Variants in PTPN3 observed in about 807,000 individuals in gnomAD.
PTPN3 encodes tyrosine-protein phosphatase non-receptor type 3.
A neutral mutation model predicts 132.7 loss-of-function variants in PTPN3; 96 were observed. The ratio of observed to expected loss-of-function variants is 0.72; its 90% confidence interval spans 0.61 to 0.86. PTPN3 has a LOEUF of 0.86. PTPN3 is among the 40% of genes least tolerant of loss of function. The pLI is 0.00. For missense variants in PTPN3, 1,125 were observed against 1,159.6 expected (o/e 0.97, Z 0.43); for synonymous variants, 398 against 429.0 (o/e 0.93, Z 0.89).
the PTPN3 span, among the ~76,000 whole-genome samples, chr9:109,529,532 C>T: frequency 6.6e-6 from 1 of 152,236 alleles, no homozygotes; most frequent in Non-Finnish European, 1.5e-5. Flanking sequence ...ATTCCTGTTT[C>T]TCCTTCAGTC....
At chr9:109,482,951 G>A (rs1395042403) in intron 1 of PTPN3, among the ~76,000 whole-genome samples, 1 of 152,208 alleles carries the variant, frequency 6.6e-6, no homozygotes, top group South Asian at 2.1e-4. Context: ...CCCGGTGTTG[G>A]AGCCCTATCT....
At chr9:109,464,831 C>G (rs1200979009) in intron 1 of PTPN3, among the ~76,000 whole-genome samples, 1 of 152,198 alleles carries the variant, frequency 6.6e-6, no homozygotes, top group African/African-American at 2.4e-5. Context: ...AACAGATTAT[C>G]TGCTGCATGA....
chr9:109,407,225 A>T, intron 17 of PTPN3, among the ~76,000 whole-genome samples: 1 of 152,182 alleles, frequency 6.6e-6, no homozygotes, highest in East Asian at 1.9e-4. Flanking sequence ...GCAGATGATT[A>T]AAAGGTAACT....
At chr9:109,502,985 A>C (rs1429919226), upstream of PTPN3, among the ~76,000 whole-genome samples, 4 of 152,234 alleles carry the variant, frequency 2.6e-5, no homozygotes, top group Non-Finnish European at 5.9e-5. Context: ...TTTACAAATT[A>C]GGAGAATTTC....
intron 19 of PTPN3, among the ~76,000 whole-genome samples, chr9:109,401,157 C>T (rs748666040): frequency 2.0e-5 from 3 of 152,222 alleles, no homozygotes; most frequent in African/African-American, 7.2e-5. Context: ...CATGCTAAAA[C>T]GCAACCCTAA....
intron 10 of PTPN3, among the ~76,000 whole-genome samples, chr9:109,430,330 CT>C (rs1194457924): frequency 6.6e-6 from 1 of 152,186 alleles, no homozygotes; most frequent in Non-Finnish European, 1.5e-5. Context: ...CCCCCCACCC[CT>C]GGCTTCATAT....
At chr9:109,403,370 T>A (rs1385283700) in intron 19 of PTPN3, among the ~76,000 whole-genome samples, 1 of 152,248 alleles carries the variant, frequency 6.6e-6, no homozygotes, top group East Asian at 1.9e-4. Flanking sequence ...TTCTAATAAA[T>A]AATGCATTGT....
At chr9:109,432,021 ATATT>A (rs1843696007) in intron 10 of PTPN3, among the ~76,000 whole-genome samples, 1 of 149,046 alleles carries the variant, frequency 6.7e-6, no homozygotes, top group South Asian at 2.1e-4. Context: ...ATATAATTAT[ATATT>A]TATGTGTAAT....
At chr9:109,383,121 T>G (rs899844256) in intron 23 of PTPN3, among the ~76,000 whole-genome samples, 4 of 152,232 alleles carry the variant, frequency 2.6e-5, no homozygotes, top group African/African-American at 4.8e-5. Flanking sequence ...CCCAGTGTTG[T>G]AGCAGGGGTC....
intron 21 of PTPN3, 144 bp downstream of exon 21, chr9:109,390,994 C>T: frequency 1.4e-6 from 1 of 711,040 alleles, no homozygotes; most frequent in Non-Finnish European, 2.4e-6. Flanking sequence ...ACTATTCTGC[C>T]TGCCCTCCCA....
At chr9:109,466,517 G>C (rs772731872) in intron 1 of PTPN3, among the ~76,000 whole-genome samples, 3 of 152,170 alleles carry the variant, frequency 2.0e-5, no homozygotes, top group Non-Finnish European at 2.9e-5. Flanking sequence ...AATGCAGAGG[G>C]GAGGGGAGAC....
rs1838602739 is a variant in PTPN3 at position 109,376,942 on chromosome 9, A to C, written c.*2614T>G. 2.0e-5 allele frequency: 3 copies of C among 152,332 alleles called. No individual in the cohort carries two copies. The South Asian group carries it at 6.2e-4, about 32-fold the overall frequency. 9.4% of individuals were successfully genotyped at this position (152,332 alleles called of 1,614,324 possible). On this transcript the variant is annotated 3_prime_UTR_variant, in exon 26 of 26. Transcript: ENST00000374541. ...TGCCCAGTGGCAGAAGACTGCTTGC[A>C]ACCTTTGGTAGGCTTTTTAGAAATT...
At chr9:109,388,915 A>G (rs528509324) in intron 22 of PTPN3, among the ~76,000 whole-genome samples, 1 of 152,340 alleles carries the variant, frequency 6.6e-6, no homozygotes, top group South Asian at 2.1e-4. Flanking sequence ...TTAACCTGGC[A>G]CACACACTGC....
chr9:109,503,294 G>GC (rs530563756), upstream of PTPN3, among the ~76,000 whole-genome samples: 11 of 152,254 alleles, frequency 7.2e-5, no homozygotes, highest in Admixed American at 6.5e-4. Flanking sequence ...TGCTAGAGAA[G>GC]CGTTAGTCAA....
chr9:109,385,758 T>C (rs1360623795), intron 22 of PTPN3, among the ~76,000 whole-genome samples: 3 of 152,194 alleles, frequency 2.0e-5, no homozygotes, highest in African/African-American at 7.2e-5. Flanking sequence ...TCACTGAAGC[T>C]AGGAGGCTGG....
At chr9:109,457,885 A>C (rs905442504) in intron 2 of PTPN3, among the ~76,000 whole-genome samples, 1 of 152,194 alleles carries the variant, frequency 6.6e-6, no homozygotes, top group African/African-American at 2.4e-5. Flanking sequence ...AAAATACTCA[A>C]CTGCCATTCA....
At chr9:109,487,631 G>A in intron 1 of PTPN3, among the ~76,000 whole-genome samples, 1 of 152,114 alleles carries the variant, frequency 6.6e-6, no homozygotes, top group African/African-American at 2.4e-5. Flanking sequence ...TCAATGGAAG[G>A]TATATATCAT....
At chr9:109,407,152 C>T (rs1442035755) in intron 17 of PTPN3, among the ~76,000 whole-genome samples, 1 of 152,184 alleles carries the variant, frequency 6.6e-6, no homozygotes, top group East Asian at 1.9e-4. Context: ...AGGACTACCT[C>T]AGAGTAAAAT....
At chr9:109,535,670 C>A in the PTPN3 span, among the ~76,000 whole-genome samples, 1 of 152,080 alleles carries the variant, frequency 6.6e-6, no homozygotes, top group African/African-American at 2.4e-5. Flanking sequence ...CCATGCCCAG[C>A]TAATTTTTGG....
Sources: allele counts gnomAD v4.1 joint callset (sites outside exome capture counted in the v4.1 genomes callset), GRCh38; gene constraint gnomAD v4.1.1; transcripts MANE v1.5; gene names NCBI Gene and HGNC (gene_info 2026-07-23, HGNC 2026-07-21).